The following GGA3 variants were observed in gnomAD, a reference collection of about 807,000 sequenced individuals.
The protein encoded by GGA3 is golgi associated, gamma adaptin ear containing, ARF binding protein 3, also known as ADP-ribosylation factor-binding protein GGA3.
Under a neutral mutation model 77.5 loss-of-function variants are expected in GGA3, and 57 were observed. That is an observed-to-expected ratio of 0.74 (90% CI 0.59 to 0.92). GGA3 has a LOEUF of 0.92. GGA3 is among the 40% of genes least tolerant of loss of function. The pLI is 0.00. For synonymous variants in GGA3, 416 were observed against 383.7 expected (o/e 1.08, Z -0.98); for missense variants, 970 against 914.9 (o/e 1.06, Z -0.78).
Position 75,246,646 on chromosome 17 carries a change from T to C in GGA3, c.126-62A>G, listed in dbSNP as rs1018085929. 10 of 1,590,756 alleles carry C rather than the reference T, an allele frequency of 6.3e-6. No homozygotes were observed. The Admixed American group carries it at 8.3e-5, about 13-fold the overall frequency. On this transcript the variant is annotated intron_variant, in intron 2 of 16. Transcript: ENST00000537686. ...CCTGGGGCTACCTGGCTGGCCCTCC[T>C]TGGCCATGGTTGTTCCCCTTCCCAG... is the stretch of plus-strand genomic sequence containing the variant.
At chr17:75,239,668 C>A in intron 13 of GGA3, 97 bp from the exon 14 acceptor site, 2 of 1,453,232 alleles carry the variant, frequency 1.4e-6, no homozygotes, top group South Asian at 2.3e-5. Flanking sequence ...CCAGGCCCAC[C>A]CCTTGCCTTC....
At chr17:75,246,451 G>A (rs1310557842) in intron 3 of GGA3, 58 bp downstream of exon 3, 7 of 1,127,812 alleles carry the variant, frequency 6.2e-6, no homozygotes, top group Non-Finnish European at 9.5e-6. Flanking sequence ...GGGACACGAG[G>A]AATGGCGTGG....
At position 75,242,070 on chromosome 17, in the gene GGA3, G is replaced by C. The variant is rs1432390929; in HGVS notation, c.747+266C>G. 6 of 569,022 alleles carry C rather than the reference G, an allele frequency of 1.1e-5. No individual in the cohort carries two copies. In the East Asian group the frequency reaches 1.5e-4, roughly 14 times the overall value. The allele number at this position is 569,022 out of a possible 1,614,324, so 35.2% of individuals were successfully genotyped here. On this transcript the variant is annotated intron_variant, in intron 8 of 16. Coordinates refer to ENST00000537686, the MANE Select transcript of GGA3 (RefSeq NM_138619.4). ...AGGTAGTAAGGAAAGGGAGAGAGCA[G>C]GGGTGAGCACCGAGAGTGTGGTCTC... is the stretch of plus-strand genomic sequence containing the variant.
chr17:75,259,780 C>T (rs973436215), intron 1 of GGA3, among the ~76,000 whole-genome samples: 5 of 137,750 alleles, frequency 3.6e-5, no homozygotes, highest in African/African-American at 1.0e-4. Flanking sequence ...CACATTAAGT[C>T]GTAACAACTG....
At position 75,238,666 on chromosome 17, in the gene GGA3, CCAGCAACATGA is replaced by C; in HGVS notation, c.2036_2046del (p.Val679GlyfsTer13). 1 of 1,612,332 alleles carries C rather than the reference CCAGCAACATGA, an allele frequency of 6.2e-7. No individual in the cohort carries two copies. Among genetic ancestry groups the C allele is most frequent in the Non-Finnish European group, 8.5e-7 (1 of 1,178,680 alleles). On this transcript the variant is annotated frameshift_variant, in exon 16 of 17. Transcript: ENST00000537686. LOFTEE classifies it high-confidence loss of function. ...TTGCTGCTCACCTTCAGTGGATTGGCCAGCAACATGACCTGGGTGATGGCTGCAGGTGGCTG... is the reference window on the plus strand; with the variant it reads ...TTGCTGCTCACCTTCAGTGGATTGGCCCTGGGTGATGGCTGCAGGTGGCTG...
intron 4 of GGA3, among the ~76,000 whole-genome samples, chr17:75,244,087 T>G (rs1011214437): frequency 6.6e-6 from 1 of 152,160 alleles, no homozygotes; most frequent in Non-Finnish European, 1.5e-5. Context: ...TTTTGAGTTC[T>G]GAGGAAAGTG....
chr17:75,248,624 T>C (rs1323727269), intron 1 of GGA3, among the ~76,000 whole-genome samples: 4 of 149,366 alleles, frequency 2.7e-5, no homozygotes, highest in Non-Finnish European at 5.9e-5. Flanking sequence ...CCATCACTAC[T>C]AAAAATACAG....
At chr17:75,245,467 C>A (rs1439635070) in intron 3 of GGA3, among the ~76,000 whole-genome samples, 1 of 152,180 alleles carries the variant, frequency 6.6e-6, no homozygotes, top group Non-Finnish European at 1.5e-5. Flanking sequence ...AAAAATGTTT[C>A]CAGACACTGC....
In GGA3 at chr17:75,243,448, C is replaced by CTG; in HGVS notation, c.421_422dup (p.Gln141HisfsTer4). 1 of 1,614,138 alleles carries CTG rather than the reference C, an allele frequency of 6.2e-7. No individual in the cohort carries two copies. Among genetic ancestry groups the CTG allele is most frequent in the Non-Finnish European group, 8.5e-7 (1 of 1,180,014 alleles). On this transcript the variant is annotated frameshift_variant and splice_region_variant, in exon 5 of 17. Coordinates refer to ENST00000537686, the MANE Select transcript of GGA3 (RefSeq NM_138619.4). LOFTEE classifies it high-confidence loss of function. ...GGCTGCGGGCAGGCAGACACGTACC[C>CTG]TGTCTCTTCAGCATGTGGTAGGCGT...
At chr17:75,244,915 G>A (rs2076703599) in intron 3 of GGA3, among the ~76,000 whole-genome samples, 198 bp from the exon 4 acceptor site, 1 of 152,104 alleles carries the variant, frequency 6.6e-6, no homozygotes, top group Admixed American at 6.6e-5. Context: ...CCCTCCAACT[G>A]CAAACCTCTG....
Position 75,243,574 on chromosome 17 carries a change from C to T in GGA3, c.301-4G>A, listed in dbSNP as rs2076650926. On this transcript the variant is annotated splice_polypyrimidine_tract_variant and splice_region_variant and intron_variant, in intron 4 of 16. Transcript: ENST00000537686. Reference sequence around the variant, plus strand: ...CAGACACCCTGTCCCCCAGGTACTACATGGCAAAAGAAAATGAGGACCTAG... The same window carrying T: ...CAGACACCCTGTCCCCCAGGTACTATATGGCAAAAGAAAATGAGGACCTAG... The T allele has an allele frequency of 2.5e-6, 4 of 1,613,804 alleles. No individual in the cohort carries two copies. Among genetic ancestry groups the T allele is most frequent in the African/African-American group, 1.3e-5 (1 of 75,060 alleles).
At chr17:75,239,318 A>T in intron 14 of GGA3, 57 bp downstream of exon 14, 1 of 1,403,954 alleles carries the variant, frequency 7.1e-7, no homozygotes, top group Non-Finnish European at 9.7e-7. Context: ...CGCATGTCCT[A>T]CAGCTCCGTG....
intron 1 of GGA3, among the ~76,000 whole-genome samples, chr17:75,256,902 A>G (rs180818435): frequency 6.6e-6 from 1 of 150,800 alleles, no homozygotes; most frequent in Admixed American, 6.6e-5. Flanking sequence ...AGGCCACCGC[A>G]GTCATTTCTT....
chr17:75,244,371 C>G (rs2076681352), intron 4 of GGA3: 1 of 446,522 alleles, frequency 2.2e-6, no homozygotes. Context: ...GGCCCTCACC[C>G]TGGACAAACA....
At position 75,242,504 on chromosome 17, in the gene GGA3, G is replaced by A. The variant is rs201754807; in HGVS notation, c.610-31C>T. On this transcript the variant is annotated intron_variant, in intron 7 of 16. Coordinates refer to ENST00000537686, the MANE Select transcript of GGA3 (RefSeq NM_138619.4). ...CCAGTGAAGAAGTTCAAGAGAAAGA[G>A]AGCGTCACTTGACTGTCTTTCCACT... is the stretch of plus-strand genomic sequence containing the variant. The A allele has an allele frequency of 5.6e-5, 90 of 1,613,466 alleles. 1 individual carries two copies. The East Asian group carries it at 1.8e-3, about 33-fold the overall frequency.
At chr17:75,259,110 C>T (rs939882929) in intron 1 of GGA3, among the ~76,000 whole-genome samples, 3 of 152,098 alleles carry the variant, frequency 2.0e-5, no homozygotes, top group Non-Finnish European at 4.4e-5. Context: ...CCCGCCACTA[C>T]GCCTGGCTAT....
At chr17:75,249,395 A>C (rs2076883191) in intron 1 of GGA3, among the ~76,000 whole-genome samples, 1 of 152,180 alleles carries the variant, frequency 6.6e-6, no homozygotes, top group Non-Finnish European at 1.5e-5. Flanking sequence ...CTTGAAAGAG[A>C]ATTAACAGGT....
intron 1 of GGA3, among the ~76,000 whole-genome samples, chr17:75,252,750 T>C (rs990584815): frequency 1.3e-5 from 2 of 152,176 alleles, no homozygotes; most frequent in African/African-American, 4.8e-5. Context: ...CATTCCAGCA[T>C]TGTGATTTGT....
Position 75,243,280 on chromosome 17 carries a change from A to C in GGA3, c.425-114T>G, listed in dbSNP as rs150707110. 137 of 1,103,990 alleles carry C rather than the reference A, an allele frequency of 1.2e-4. 3 individuals are homozygous for C. The African/African-American group carries it at 2.0e-3, about 16-fold the overall frequency. 68.4% of individuals were successfully genotyped at this position (1,103,990 alleles called of 1,614,324 possible). A position where few individuals can be genotyped will look rare whatever the true frequency, so the allele number is the denominator to read the frequency against. ...AGACCTGCAAAGGGTAGCAGGGTGGAGGGCAGGCTGCTACACCTTATCCCA... is the reference window on the plus strand; with the variant it reads ...AGACCTGCAAAGGGTAGCAGGGTGGCGGGCAGGCTGCTACACCTTATCCCA... On this transcript the variant is annotated intron_variant, in intron 5 of 16. Transcript: ENST00000537686.
Sources: gnomAD v4.1 joint callset for allele counts (sites outside exome capture counted in the v4.1 genomes callset) on GRCh38, gnomAD v4.1.1 for gene constraint, MANE v1.5 for transcripts, NCBI Gene and HGNC (gene_info 2026-07-23, HGNC 2026-07-21) for gene names.